Variants in PLG observed in about 807,000 individuals in gnomAD.
PLG encodes plasminogen, also known as plasmin.
A neutral mutation model predicts 104.4 loss-of-function variants in PLG; 41 were observed. The ratio of observed to expected loss-of-function variants is 0.39; its 90% confidence interval spans 0.31 to 0.51. The LOEUF (loss-of-function observed/expected upper bound fraction) is 0.51. Ranked by LOEUF, PLG falls within the 20% of genes least tolerant of loss-of-function variation. The pLI, the probability that PLG is intolerant of heterozygous loss-of-function variation, is 0.76. For synonymous variants in PLG, 337 were observed against 357.1 expected (o/e 0.94, Z 0.63); for missense variants, 891 against 1,003.6 (o/e 0.89, Z 1.52).
intron 9 of PLG, among the ~76,000 whole-genome samples, chr6:160,720,712 C>T (rs1777816428): frequency 6.6e-6 from 1 of 152,034 alleles, no homozygotes; most frequent in South Asian, 2.1e-4. Context: ...AGCAACCGTG[C>T]CCAGCCTAGA....
chr6:160,743,828 T>C (rs1217976280), intron 17 of PLG, among the ~76,000 whole-genome samples: 1 of 152,190 alleles, frequency 6.6e-6, no homozygotes, highest in Non-Finnish European at 1.5e-5. Flanking sequence ...TTTTGAGATA[T>C]ATTCCTTCAG....
At position 160,718,404 on chromosome 6, in the gene PLG, A is replaced by C; in HGVS notation, c.898A>C (p.Ser300Arg). Residue 300 changes from serine to arginine, a missense_variant, in exon 8 of 19, where the codon AGT becomes CGT. Transcript: ENST00000308192. ...TVSGHTCQHW[S>R]AQTPHTHNRT... ...GTCCGGGCACACCTGTCAGCACTGGAGTGCACAGACCCCTCACACACATAA... is the reference window on the plus strand; with the variant it reads ...GTCCGGGCACACCTGTCAGCACTGGCGTGCACAGACCCCTCACACACATAA... 6.2e-7 allele frequency: 1 copy of C among 1,613,066 alleles called. No individual in the cohort carries two copies. The highest frequency in any genetic ancestry group is 8.5e-7 in the Non-Finnish European group (1 of 1,178,976).
intron 17 of PLG, among the ~76,000 whole-genome samples, chr6:160,748,313 A>AGAAAGAAG (rs201202376): frequency 1.4e-5 from 2 of 145,938 alleles, no homozygotes; most frequent in African/African-American, 5.4e-5. Context: ...TGAGAAAGAA[A>AGAAAGAAG]GAAAGAAGGA....
chr6:160,730,216 G>C (rs371780479), intron 10 of PLG, among the ~76,000 whole-genome samples: 1 of 152,200 alleles, frequency 6.6e-6, no homozygotes, highest in Non-Finnish European at 1.5e-5. Flanking sequence ...GGACTCCTCC[G>C]TAGCTGCCCG....
At chr6:160,707,040 T>C (rs1171519520) in intron 2 of PLG, among the ~76,000 whole-genome samples, 8 of 151,202 alleles carry the variant, frequency 5.3e-5, no homozygotes, top group African/African-American at 1.7e-4. Flanking sequence ...GTGCCTAAGG[T>C]TGAGGCAGCT....
chr6:160,711,920 G>T, intron 4 of PLG: 1 of 1,325,918 alleles, frequency 7.5e-7, no homozygotes, highest in Non-Finnish European at 9.7e-7. Context: ...TTATTTTAGT[G>T]CATTTTTTTG....
At chr6:160,749,957 T>C (rs998136895) in intron 17 of PLG, among the ~76,000 whole-genome samples, 11 of 152,054 alleles carry the variant, frequency 7.2e-5, no homozygotes, top group African/African-American at 2.4e-4. Flanking sequence ...CATAACCAGT[T>C]TGTAGCTGGA....
intron 3 of PLG, among the ~76,000 whole-genome samples, chr6:160,709,854 A>G (rs545299005): frequency 3.9e-5 from 6 of 152,372 alleles, no homozygotes; most frequent in African/African-American, 1.4e-4. Context: ...TGATTGATCA[A>G]TTAATTAAAA....
chr6:160,750,069 T>G (rs1350160078), intron 17 of PLG, among the ~76,000 whole-genome samples: 2 of 152,216 alleles, frequency 1.3e-5, no homozygotes. Flanking sequence ...TTTCTACATG[T>G]CAATAATGAC....
rs1778119854 is a variant in PLG, at chr6:160,738,147, T to A, written c.1803-391T>A. Among the ~76,000 whole-genome samples the A allele has an allele frequency of 6.6e-6, 1 of 152,250 alleles. No homozygotes were observed. Among genetic ancestry groups the A allele is most frequent in the Admixed American group, 6.5e-5 (1 of 15,284 alleles). Reference sequence around the variant, plus strand: ...ATCTGGCTCCTTGAAGAGTGATTCATCAGACCTTACATAGATCTTGTCATA... The same window carrying A: ...ATCTGGCTCCTTGAAGAGTGATTCAACAGACCTTACATAGATCTTGTCATA... On this transcript the variant is annotated intron_variant, in intron 14 of 18. Coordinates refer to ENST00000308192, the MANE Select transcript of PLG (RefSeq NM_000301.5). This position sits in a 1 kb window ranked among gnomAD's most constrained non-coding sequence, Gnocchi z 6.8.
intron 4 of PLG, chr6:160,711,636 A>G: frequency 1.2e-6 from 2 of 1,610,838 alleles, no homozygotes; most frequent in South Asian, 2.2e-5. Context: ...ACCATAGTAG[A>G]ACATGGTTGC....
chr6:160,710,343 G>T (rs187430572), intron 3 of PLG, among the ~76,000 whole-genome samples: 2,702 of 152,126 alleles, frequency 0.018, 49 homozygotes, highest in African/African-American at 0.048. Flanking sequence ...TAAGAAAGTT[G>T]GAAAATGCAA....
intron 1 of PLG, chr6:160,706,142 G>A: frequency 2.0e-6 from 1 of 506,160 alleles, no homozygotes; most frequent in East Asian, 3.8e-5. Flanking sequence ...CTACTAAATA[G>A]GTAGTTTTTC....
At position 160,725,568 on chromosome 6, in the gene PLG, C is replaced by T. The variant is rs1421463620; in HGVS notation, c.1256+3001C>T. Among the ~76,000 whole-genome samples the T allele has an allele frequency of 6.6e-6, 1 of 151,976 alleles. No individual in the cohort carries two copies. Among genetic ancestry groups the T allele is most frequent in the Non-Finnish European group, 1.5e-5 (1 of 67,970 alleles). ...GAAGATATGGCAAAGAGAGAAAATA[C>T]ACAGCATTATGGTACACTTAAACTG... On this transcript the variant is annotated intron_variant, in intron 10 of 18. Coordinates refer to ENST00000308192, the MANE Select transcript of PLG (RefSeq NM_000301.5). The surrounding 1 kb of genome is among the most constrained non-coding windows in gnomAD (Gnocchi z 6.3).
At chr6:160,748,063 T>C (rs1278038127) in intron 17 of PLG, among the ~76,000 whole-genome samples, 1 of 151,914 alleles carries the variant, frequency 6.6e-6, no homozygotes, top group African/African-American at 2.4e-5. Context: ...TCCCAGCACT[T>C]TGGGAGGCCG....
intron 17 of PLG, among the ~76,000 whole-genome samples, chr6:160,748,303 T>A (rs1778310743): frequency 7.4e-6 from 1 of 135,204 alleles, no homozygotes; most frequent in African/African-American, 2.9e-5. Flanking sequence ...AGACTCTATG[T>A]GAGAAAGAAA....
At position 160,714,869 on chromosome 6, in the gene PLG, C is replaced by T. The variant is rs758842289; in HGVS notation, c.623C>T (p.Ala208Val). The stretch of plus-strand genomic sequence containing the variant: ...ACCATGTCTGGACTGGAATGCCAGG[C>T]CTGGGACTCTCAGAGCCCACACGCT... ...SKTMSGLECQ[A>V]WDSQSPHAHG... The change falls in exon 6 of 19, where the codon GCC (alanine) becomes GTC (valine). Residue 208 changes from alanine (A) to valine (V), a missense_variant. Around this residue, in one of 2 missense-constraint regions of PLG, gnomAD observed 854 missense variants for 932.1 expected, o/e 0.92. Transcript: ENST00000308192. 2.5e-6 allele frequency: 4 copies of T among 1,613,628 alleles called. No homozygotes were observed. Among genetic ancestry groups the T allele is most frequent in the Non-Finnish European group, 3.4e-6 (4 of 1,179,584 alleles).
intron 17 of PLG, among the ~76,000 whole-genome samples, chr6:160,749,911 C>CATCATG (rs377245431): frequency 6.7e-6 from 1 of 149,704 alleles, no homozygotes; most frequent in African/African-American, 2.5e-5. Flanking sequence ...CTGCCACCAC[C>CATCATG]ACCACCACCA....
At chr6:160,718,535 G>A in intron 8 of PLG, 79 bp downstream of exon 8, 1 of 1,378,708 alleles carries the variant, frequency 7.3e-7, no homozygotes, top group Non-Finnish European at 1.0e-6. Flanking sequence ...GTTACTGTAG[G>A]AACGCAGGAT....
Sources: gnomAD v4.1 joint callset for allele counts (sites outside exome capture counted in the v4.1 genomes callset) on GRCh38, gnomAD v4.1.1 for gene constraint, gnomAD v4.1.1 regional missense constraint, Gnocchi (gnomAD v3.1) non-coding constraint, MANE v1.5 for transcripts, NCBI Gene and HGNC (gene_info 2026-07-23, HGNC 2026-07-21) for gene names.